Variants in DLG5 observed in about 807,000 individuals in gnomAD.
The protein encoded by DLG5 is discs large MAGUK scaffold protein 5, also known as disks large homolog 5.
In DLG5, 48 loss-of-function variants were observed where a neutral mutation model predicts 189.8. The observed-to-expected ratio is 0.25, with a 90% confidence interval of 0.20 to 0.32. The LOEUF (loss-of-function observed/expected upper bound fraction) is 0.32. Ranked by LOEUF, DLG5 falls within the 10% of genes least tolerant of loss-of-function variation. The pLI is 1.00. For synonymous variants in DLG5, 1,016 were observed against 1,054.1 expected (o/e 0.96, Z 0.70); for missense variants, 2,160 against 2,544.7 (o/e 0.85, Z 3.25).
At chr10:77,868,499 T>C in intron 2 of DLG5, 1 of 288,172 alleles carries the variant, frequency 3.5e-6, no homozygotes. Flanking sequence ...AAGAAAATAA[T>C]TGGAGTAGAT....
At chr10:77,868,091 G>A (rs994354232) in intron 2 of DLG5, 8 of 456,344 alleles carry the variant, frequency 1.8e-5, no homozygotes, top group Non-Finnish European at 3.5e-5. Flanking sequence ...AGCCTGCGTG[G>A]CCTCACTGAC....
intron 9 of DLG5, among the ~76,000 whole-genome samples, chr10:77,833,161 A>G (rs1842958263): frequency 6.6e-6 from 1 of 152,084 alleles, no homozygotes; most frequent in Non-Finnish European, 1.5e-5. Context: ...GGCTCTGCCA[A>G]TTTCTATGCT....
intron 1 of DLG5, among the ~76,000 whole-genome samples, chr10:77,880,946 T>TCCA (rs1845259594): frequency 7.2e-6 from 1 of 139,778 alleles, no homozygotes; most frequent in African/African-American, 2.6e-5. Context: ...AGGACTCTCA[T>TCCA]CCACTAACCC....
intron 1 of DLG5, among the ~76,000 whole-genome samples, chr10:77,882,304 G>T (rs1845306245): frequency 6.6e-6 from 1 of 152,192 alleles, no homozygotes; most frequent in Non-Finnish European, 1.5e-5. Flanking sequence ...CTGAGCCTCG[G>T]TGTCATTTGC....
At chr10:77,925,768 G>T (rs1376747091) in intron 1 of DLG5, among the ~76,000 whole-genome samples, 1 of 152,194 alleles carries the variant, frequency 6.6e-6, no homozygotes, top group East Asian at 1.9e-4. Context: ...AAGCAGTTGT[G>T]GCCCCGGCAC....
Position 77,795,965 on chromosome 10 carries a change from A to C in DLG5, c.5436+96T>G, listed in dbSNP as rs976532970. 3.4e-5 allele frequency: 54 copies of C among 1,575,246 alleles called. No individual in the cohort carries two copies. The African/African-American group carries it at 6.3e-4, about 18-fold the overall frequency. Reference sequence around the variant, plus strand: ...ACACGGTGGGCTCACTGAAGGTCTGAGCCGCTGGGGCAGAGGATCACGGAC... The same window carrying C: ...ACACGGTGGGCTCACTGAAGGTCTGCGCCGCTGGGGCAGAGGATCACGGAC... On this transcript the variant is annotated intron_variant, in intron 29 of 31. Coordinates refer to ENST00000372391, the MANE Select transcript of DLG5 (RefSeq NM_004747.4).
chr10:77,889,599 C>G (rs1234740939), intron 1 of DLG5: 2 of 152,204 alleles, frequency 1.3e-5, no homozygotes, highest in African/African-American at 2.4e-5. Context: ...AAGGCGGTGT[C>G]GAGTTACTGA....
chr10:77,835,116 C>A (rs547924848), intron 8 of DLG5, among the ~76,000 whole-genome samples: 2 of 152,150 alleles, frequency 1.3e-5, no homozygotes, highest in African/African-American at 4.8e-5. Flanking sequence ...GCCCTCCCCA[C>A]GACTTGCCCA....
At chr10:77,827,072 CATAAT>C (rs1019312520) in intron 13 of DLG5, among the ~76,000 whole-genome samples, 1 of 152,086 alleles carries the variant, frequency 6.6e-6, no homozygotes, top group Non-Finnish European at 1.5e-5. Context: ...GTGTCTGGGA[CATAAT>C]ATAATAAATT....
chr10:77,856,700 C>T, intron 3 of DLG5, 30 bp downstream of exon 3: 1 of 1,603,800 alleles, frequency 6.2e-7, no homozygotes, highest in South Asian at 1.1e-5. Flanking sequence ...AACCATGGGG[C>T]CTGGGCAGGG....
In DLG5 at chr10:77,817,103, T is replaced by C; in HGVS notation, c.3785-7A>G. The C allele has an allele frequency of 1.2e-6, 2 of 1,614,122 alleles. No homozygotes were observed. The highest frequency in any genetic ancestry group is 1.1e-5 in the South Asian group (1 of 91,086). ...TGCAAGTTACTCGAAGAACCTATTGTTCCATAAGGGAACAAAACTTCAGGC... is the reference window on the plus strand; with the variant it reads ...TGCAAGTTACTCGAAGAACCTATTGCTCCATAAGGGAACAAAACTTCAGGC... On this transcript the variant is annotated splice_region_variant and splice_polypyrimidine_tract_variant and intron_variant, in intron 18 of 31. Transcript: ENST00000372391.
At position 77,895,087 on chromosome 10, in the gene DLG5, A is replaced by C. The variant is rs537036866; in HGVS notation, c.305-25890T>G. Among the ~76,000 whole-genome samples, 16 of 152,338 alleles carry C rather than the reference A, an allele frequency of 1.1e-4. 1 individual carries two copies. The East Asian group carries it at 2.3e-3, about 22-fold the overall frequency. On this transcript the variant is annotated intron_variant, in intron 1 of 31. Transcript: ENST00000372391. The stretch of plus-strand genomic sequence containing the variant: ...AGGTCACACTGCTGGACTTAACCCC[A>C]GTCTGACCAAGTCCATCAGGGCTCA...
rs745933762 is a variant in DLG5 at position 77,926,277 on chromosome 10, G to C, written c.244C>G (p.Leu82Val). 16 of 1,586,598 alleles carry C rather than the reference G, an allele frequency of 1.0e-5. No homozygotes were observed. The highest frequency in any genetic ancestry group is 1.3e-5 in the Non-Finnish European group (15 of 1,168,620). Residue 82 changes from leucine to valine, a missense_variant, in exon 1 of 32, where the codon CTG becomes GTG. Leu to Val is a conservative substitution (Grantham distance 32). Coordinates refer to ENST00000372391, the MANE Select transcript of DLG5 (RefSeq NM_004747.4). The surrounding 1 kb of genome is among the most constrained non-coding windows in gnomAD (Gnocchi z 5.2). Reference sequence around the variant, plus strand: ...CCGTTCAGGTAGAGAATGGGCAGCAGGTGAGGCTGCGTCTTCTCCAGCGCC... The same window carrying C: ...CCGTTCAGGTAGAGAATGGGCAGCACGTGAGGCTGCGTCTTCTCCAGCGCC... Reference protein sequence around the residue: ...RAALEKTQPHLLPILYLNGVV... With the variant: ...RAALEKTQPHVLPILYLNGVV...
intron 1 of DLG5, among the ~76,000 whole-genome samples, chr10:77,893,119 T>G (rs747957555): frequency 6.6e-6 from 1 of 152,172 alleles, no homozygotes; most frequent in Non-Finnish European, 1.5e-5. Flanking sequence ...GTTTCTTCCA[T>G]TCTTGATTGC....
intron 20 of DLG5, among the ~76,000 whole-genome samples, chr10:77,814,132 C>T (rs556216169): frequency 6.6e-6 from 1 of 152,186 alleles, no homozygotes; most frequent in East Asian, 1.9e-4. Context: ...TGTACACCAT[C>T]ACGCCCAGCT....
chr10:77,897,641 T>C (rs931648479), intron 1 of DLG5, among the ~76,000 whole-genome samples: 1 of 130,210 alleles, frequency 7.7e-6, no homozygotes, highest in Non-Finnish European at 1.5e-5. Context: ...CTGGGCAACA[T>C]AGTGAGACCC....
Position 77,824,922 on chromosome 10 carries a change from T to C in DLG5, c.2290-446A>G, listed in dbSNP as rs539500271. ...CTTGTAGAGAAAGTACCACGCGAAG[T>C]GGGGCCCTGTGAGTGTTCACAAAGA... On this transcript the variant is annotated intron_variant, in intron 13 of 31. Coordinates refer to ENST00000372391, the MANE Select transcript of DLG5 (RefSeq NM_004747.4). 7.2e-5 allele frequency among the ~76,000 whole-genome samples: 11 copies of C among 152,262 alleles called. 1 individual carries two copies. In the East Asian group the frequency reaches 7.7e-4, roughly 11 times the overall value.
chr10:77,821,279 C>T lies in DLG5; in HGVS notation c.3205G>A (p.Ala1069Thr). 6.2e-7 allele frequency: 1 copy of T among 1,613,744 alleles called. No individual in the cohort carries two copies. Among genetic ancestry groups the T allele is most frequent in the Non-Finnish European group, 8.5e-7 (1 of 1,180,040 alleles). The part of the protein sequence containing the change: ...EPMHASPPRK[A>T]RVRIASSYYP... ...TAGCTGGAAGCAATGCGGACCCTGG[C>T]CTTGCGAGGGGGTGATGCGTGCATG... The change falls in exon 15 of 32, where the codon GCC becomes ACC. Residue 1069 changes from alanine (A) to threonine (T), a missense_variant. Around this residue, in one of 5 missense-constraint regions of DLG5, gnomAD observed 754 missense variants for 746.5 expected, o/e 1.01. Transcript: ENST00000372391.
Position 77,796,359 on chromosome 10 carries a change from T to C in DLG5, c.5308+92A>G. On this transcript the variant is annotated intron_variant, in intron 28 of 31. Coordinates refer to ENST00000372391, the MANE Select transcript of DLG5 (RefSeq NM_004747.4). This position sits in a 1 kb window ranked among gnomAD's most constrained non-coding sequence, Gnocchi z 5.2. ...CACTGTGAAATCTGCCCCCCGGTAC[T>C]GCCACCCACTGTGCACAGCTGGGCA... 1 of 1,599,068 alleles carries C rather than the reference T, an allele frequency of 6.3e-7. No homozygotes were observed. Among genetic ancestry groups the C allele is most frequent in the Non-Finnish European group, 8.5e-7 (1 of 1,170,104 alleles).
Sources: gnomAD v4.1 joint callset for allele counts (sites outside exome capture counted in the v4.1 genomes callset) on GRCh38, gnomAD v4.1.1 for gene constraint, gnomAD v4.1.1 regional missense constraint, Gnocchi (gnomAD v3.1) non-coding constraint, MANE v1.5 for transcripts, NCBI Gene and HGNC (gene_info 2026-07-23, HGNC 2026-07-21) for gene names.